The following WASL variants were observed in gnomAD, a reference collection of about 807,000 sequenced individuals.
WASL encodes actin nucleation-promoting factor WASL.
In WASL, 20 loss-of-function variants were observed where a neutral mutation model predicts 55.5. That is an observed-to-expected ratio of 0.36 (90% CI 0.25 to 0.52). The LOEUF (loss-of-function observed/expected upper bound fraction) is 0.52. Among genes scored for constraint, WASL ranks in the 20% least tolerant of loss-of-function variants. The probability of loss-of-function intolerance (pLI) is 0.92; values close to 1 mark genes in which losing one functional copy is unlikely to be tolerated. For missense variants in WASL, 504 were observed against 622.5 expected (o/e 0.81, Z 2.03); for synonymous variants, 249 against 217.6 (o/e 1.14, Z -1.27).
intron 10 of WASL, among the ~76,000 whole-genome samples, chr7:123,685,802 T>C (rs920448420): frequency 6.7e-6 from 1 of 149,140 alleles, no homozygotes; most frequent in African/African-American, 2.4e-5. Context: ...TCTTCATATA[T>C]CTATATATAA....
intron 2 of WASL, among the ~76,000 whole-genome samples, chr7:123,707,519 C>T (rs561745963): frequency 6.6e-6 from 1 of 151,986 alleles, no homozygotes; most frequent in East Asian, 1.9e-4. Flanking sequence ...CCAAAGGTGA[C>T]GAATTATGAG....
chr7:123,688,344 T>TTTA lies in WASL; in HGVS notation c.1456+695_1456+697dup, dbSNP rs201550950. Among the ~76,000 whole-genome samples the TTTA allele has an allele frequency of 5.8e-3, 886 of 151,852 alleles. 10 individuals carry two copies. Among genetic ancestry groups the TTTA allele is most frequent in the Admixed American group, 0.014 (215 of 15,244 alleles). ...CTTACAGATGAGGTAAATGGCCCGA[T>TTTA]TTATTATTATTATTATTTATTCATT... On this transcript the variant is annotated intron_variant, in intron 10 of 10. Coordinates refer to ENST00000223023, the MANE Select transcript of WASL (RefSeq NM_003941.4).
chr7:123,695,998 C>T (rs964305243), intron 6 of WASL, 133 bp from the exon 7 acceptor site: 7 of 721,346 alleles, frequency 9.7e-6, no homozygotes, highest in Non-Finnish European at 1.4e-5. Context: ...CAGACATAAC[C>T]ATATTGTGAT....
At chr7:123,704,800 G>C (rs1803642402) in intron 4 of WASL, 143 bp from the exon 5 acceptor site, 1 of 480,514 alleles carries the variant, frequency 2.1e-6, no homozygotes, top group East Asian at 3.9e-5. Flanking sequence ...CGACATTTAA[G>C]TAGAGATCTA....
intron 1 of WASL, among the ~76,000 whole-genome samples, chr7:123,746,208 G>A (rs948262208): frequency 2.6e-5 from 4 of 152,160 alleles, no homozygotes; most frequent in African/African-American, 7.2e-5. Context: ...TCCCTTTTTA[G>A]ACCTAGTAAG....
chr7:123,735,996 G>A (rs1804222528), intron 1 of WASL, among the ~76,000 whole-genome samples: 2 of 151,922 alleles, frequency 1.3e-5, no homozygotes, highest in South Asian at 4.1e-4. Context: ...CTTCAAACTA[G>A]TAATAAAGCG....
intron 10 of WASL, among the ~76,000 whole-genome samples, chr7:123,688,585 C>T (rs1184411637): frequency 6.6e-6 from 1 of 152,118 alleles, no homozygotes; most frequent in Non-Finnish European, 1.5e-5. Context: ...TGGTCTCGAA[C>T]TCCCGACCTC....
intron 1 of WASL, among the ~76,000 whole-genome samples, chr7:123,732,922 TA>T (rs766684641): frequency 3.9e-5 from 6 of 152,048 alleles, no homozygotes; most frequent in Non-Finnish European, 7.4e-5. Context: ...ATCAATAGGC[TA>T]AAGAAAAACC....
chr7:123,743,447 TC>T (rs1163355320), intron 1 of WASL, among the ~76,000 whole-genome samples: 5 of 152,090 alleles, frequency 3.3e-5, no homozygotes, highest in African/African-American at 1.2e-4. Flanking sequence ...TTCTTCCTCT[TC>T]AATTAGCAGC....
intron 1 of WASL, among the ~76,000 whole-genome samples, chr7:123,721,532 A>C (rs1803943123): frequency 6.6e-6 from 1 of 152,194 alleles, no homozygotes; most frequent in Non-Finnish European, 1.5e-5. Context: ...CATCCACCCC[A>C]AAAAACAAAC....
chr7:123,721,968 T>A (rs1803955657), intron 1 of WASL, among the ~76,000 whole-genome samples: 1 of 152,070 alleles, frequency 6.6e-6, no homozygotes, highest in South Asian at 2.1e-4. Flanking sequence ...ACTGTTACTG[T>A]CCTCTCTAGG....
chr7:123,735,550 T>C (rs1246101828), intron 1 of WASL, among the ~76,000 whole-genome samples: 1 of 152,140 alleles, frequency 6.6e-6, no homozygotes, highest in Non-Finnish European at 1.5e-5. Flanking sequence ...CTGTAGTCCA[T>C]ATATTTCAAA....
intron 5 of WASL, among the ~76,000 whole-genome samples, chr7:123,698,553 TATA>T (rs1478925415): frequency 1.3e-5 from 2 of 152,062 alleles, no homozygotes; most frequent in Non-Finnish European, 2.9e-5. Context: ...CCTATTTATA[TATA>T]ATATTTTAAT....
intron 5 of WASL, among the ~76,000 whole-genome samples, chr7:123,697,855 T>A (rs886158271): frequency 1.3e-5 from 2 of 152,246 alleles, no homozygotes; most frequent in Non-Finnish European, 2.9e-5. Flanking sequence ...GTTGAACATC[T>A]ACTTTCCTTC....
At chr7:123,736,277 A>G (rs1804226234) in intron 1 of WASL, among the ~76,000 whole-genome samples, 1 of 149,746 alleles carries the variant, frequency 6.7e-6, no homozygotes, top group South Asian at 2.1e-4. Context: ...ACATTTTAAA[A>G]GAAGGAAAGA....
At chr7:123,744,888 T>G (rs536923380) in intron 1 of WASL, among the ~76,000 whole-genome samples, 1 of 152,342 alleles carries the variant, frequency 6.6e-6, no homozygotes, top group East Asian at 1.9e-4. Flanking sequence ...AGCTAATGAA[T>G]GGCATCAGAA....
At chr7:123,696,435 A>G in intron 6 of WASL, 144 bp downstream of exon 6, 1 of 673,734 alleles carries the variant, frequency 1.5e-6, no homozygotes, top group Non-Finnish European at 2.1e-6. Context: ...AAACTCCAAT[A>G]AAGTACATAG....
At chr7:123,720,919 T>C (rs902310322) in intron 1 of WASL, among the ~76,000 whole-genome samples, 1 of 152,048 alleles carries the variant, frequency 6.6e-6, no homozygotes, top group Non-Finnish European at 1.5e-5. Flanking sequence ...GGTGCAAGTC[T>C]GAAACAAACA....
In WASL at chr7:123,731,763, T is replaced by A. The variant is rs554095667; in HGVS notation, c.117+16855A>T. On this transcript the variant is annotated intron_variant, in intron 1 of 10. Transcript: ENST00000223023. ...TAAATGAAGATGAAAATGTAACTCATGAAAATGAGTACAATGCAGGAAAAG... is the reference window on the plus strand; with the variant it reads ...TAAATGAAGATGAAAATGTAACTCAAGAAAATGAGTACAATGCAGGAAAAG... Among the ~76,000 whole-genome samples, 7 of 151,970 alleles carry A rather than the reference T, an allele frequency of 4.6e-5. No individual in the cohort carries two copies. The South Asian group carries it at 1.5e-3, about 32-fold the overall frequency.
Sources: allele counts gnomAD v4.1 joint callset (sites outside exome capture counted in the v4.1 genomes callset), GRCh38; gene constraint gnomAD v4.1.1; transcripts MANE v1.5; gene names NCBI Gene and HGNC (gene_info 2026-07-23, HGNC 2026-07-21).